OVCH2: variants seen among roughly 807,000 people sequenced by gnomAD.
The protein encoded by OVCH2 is ovochymase 2.
Under a neutral mutation model 73.7 loss-of-function variants are expected in OVCH2, and 88 were observed. The ratio of observed to expected loss-of-function variants is 1.19; its 90% CI spans 1.01 to 1.43. The LOEUF (loss-of-function observed/expected upper bound fraction) is 1.43, where lower values mean the gene tolerates loss of function less well. OVCH2 is among the 40% of genes most tolerant of loss of function. The pLI, the probability that OVCH2 is intolerant of heterozygous loss-of-function variation, is 0.00. For missense variants in OVCH2, 706 were observed against 674.5 expected, an observed-to-expected ratio of 1.05 and a Z score of -0.52; for synonymous variants, 265 against 234.5, an observed-to-expected ratio of 1.13 and a Z score of -1.19.
At chr11:7,698,825 C>A in intron 7 of OVCH2, 52 bp from the exon 8 acceptor site, 2 of 1,587,124 alleles carry the variant, frequency 1.3e-6, no homozygotes. Flanking sequence ...TCCTGAACAA[C>A]GCTTCAAGAA....
In OVCH2 at chr11:7,695,598, A is replaced by C. The variant is rs373698741; in HGVS notation, c.1254T>G (p.Tyr418Ter). The C allele has an allele frequency of 6.2e-7, 1 of 1,613,772 alleles. No individual in the cohort carries two copies. The highest frequency in any genetic ancestry group is 8.5e-7 in the Non-Finnish European group (1 of 1,179,722). The part of the protein sequence containing the change: ...TDNAAGFNLT[Y>*]KALKPNYIPD... The stretch of plus-strand genomic sequence containing the variant: ...GAATGTAGTTTGGTTTAAGAGCTTT[A>C]TAGGTAAGATTAAACCCAGCTGCAT... The change falls in exon 11 of 16, where the codon TAT becomes TAG. Residue 418 changes from tyrosine (Y) to a stop codon, truncating the protein, a stop_gained. Transcript: ENST00000533663. LOFTEE classifies it high-confidence loss of function.
intron 7 of OVCH2, chr11:7,699,499 G>A (rs1856395180): frequency 6.6e-6 from 1 of 152,232 alleles, no homozygotes; most frequent in Non-Finnish European, 1.5e-5. Flanking sequence ...CTAAGACAAA[G>A]TAAATGCTAT....
At chr11:7,686,281 A>G (rs1856140810), downstream of OVCH2, among the ~76,000 whole-genome samples, 1 of 152,222 alleles carries the variant, frequency 6.6e-6, no homozygotes, top group Non-Finnish European at 1.5e-5. Context: ...GATGATGACG[A>G]TGATTCTTAC....
chr11:7,681,201 A>G, the OVCH2 span, among the ~76,000 whole-genome samples: 12 of 152,220 alleles, frequency 7.9e-5, no homozygotes, highest in Admixed American at 3.3e-4. Context: ...CAGACACTCA[A>G]TGCTGACCAA....
Position 7,696,781 on chromosome 11 carries a change from T to C in OVCH2, c.944A>G (p.Asp315Gly). 1 of 1,609,928 alleles carries C rather than the reference T, an allele frequency of 6.2e-7. No individual in the cohort carries two copies. The highest frequency in any genetic ancestry group is 8.5e-7 in the Non-Finnish European group (1 of 1,178,098). Residue 315 changes from aspartate to glycine, a missense_variant, in exon 9 of 16, where the codon GAT (aspartate) becomes GGT (glycine). Coordinates refer to ENST00000533663, the MANE Select transcript of OVCH2 (RefSeq NM_198185.7). ...KSSRAWCSEQ[D>G]VIVSGAEGKL... ...CCCCTCAGCCCCGCTGACTATGACA[T>C]CCTGCTCACTGCACCAGGCTGGGAG... is the stretch of plus-strand genomic sequence containing the variant.
intron 14 of OVCH2, 135 bp downstream of exon 14, chr11:7,691,134 C>A: frequency 9.0e-7 from 1 of 1,107,938 alleles, no homozygotes. Context: ...ATTCAGTGTC[C>A]ATGGTGACTT....
At chr11:7,696,823 CAGGGTT>C (rs750102565) in intron 8 of OVCH2, 24 bp from the exon 9 acceptor site, 1 of 1,588,666 alleles carries the variant, frequency 6.3e-7, no homozygotes, top group Non-Finnish European at 8.6e-7. Context: ...CCAGGAGAGT[CAGGGTT>C]AGTTATGCCA....
intron 10 of OVCH2, 23 bp downstream of exon 10, chr11:7,696,442 T>G: frequency 6.2e-7 from 1 of 1,613,808 alleles, no homozygotes. Context: ...GGTTTCCATT[T>G]GACACTGTGA....
chr11:7,703,780 T>G lies in OVCH2; in HGVS notation c.208A>C (p.Lys70Gln), dbSNP rs778010247. The change falls in exon 3 of 16, where the codon AAA (lysine) becomes CAA (glutamine). Residue 70 changes from lysine (K) to glutamine (Q), a missense_variant. Physicochemically the swap from Lys to Gln is moderately conservative, Grantham distance 53. Coordinates refer to ENST00000533663, the MANE Select transcript of OVCH2 (RefSeq NM_198185.7). The stretch of plus-strand genomic sequence containing the variant: ...CCACAAATATGCTTCTGCCTTTGTT[T>G]CAGAGATACCTAAATTGCAAATACC... ...KGSYPWQVSL[K>Q]QRQKHICGGS... 4 of 1,606,360 alleles carry G rather than the reference T, an allele frequency of 2.5e-6. No homozygotes were observed. Among genetic ancestry groups the G allele is most frequent in the Non-Finnish European group, 2.6e-6 (3 of 1,176,226 alleles).
chr11:7,679,858 G>A, the OVCH2 span, among the ~76,000 whole-genome samples: 1 of 152,114 alleles, frequency 6.6e-6, no homozygotes, highest in Admixed American at 6.5e-5. Flanking sequence ...TCATAACAAA[G>A]CTTCCATAAA....
intron 1 of OVCH2, 123 bp from the exon 2 acceptor site, chr11:7,704,797 G>C (rs1030523957): frequency 3.2e-6 from 2 of 621,582 alleles, no homozygotes; most frequent in African/African-American, 3.8e-5. Flanking sequence ...CACACATTCA[G>C]ATATCAATAA....
the OVCH2 span, among the ~76,000 whole-genome samples, chr11:7,681,836 G>C: frequency 7.3e-6 from 1 of 137,780 alleles, no homozygotes. Context: ...CCAGGACGGG[G>C]AGAAGGGGGA....
chr11:7,702,464 A>C (rs1856462966), intron 3 of OVCH2, 135 bp from the exon 4 acceptor site: 1 of 715,240 alleles, frequency 1.4e-6, no homozygotes. Context: ...AGAGAAAGTG[A>C]GAATAATTCC....
At chr11:7,683,689 T>C in the OVCH2 span, among the ~76,000 whole-genome samples, 1 of 152,180 alleles carries the variant, frequency 6.6e-6, no homozygotes, top group Non-Finnish European at 1.5e-5. Flanking sequence ...CCACCTACCT[T>C]CTCTGATATC....
chr11:7,702,422 G>A (rs1013349848), intron 3 of OVCH2, 93 bp from the exon 4 acceptor site: 69 of 962,532 alleles, frequency 7.2e-5, no homozygotes, highest in Non-Finnish European at 9.7e-5. Flanking sequence ...AAATGATATG[G>A]ATAAATAATA....
At chr11:7,691,050 T>A (rs1231792341) in intron 14 of OVCH2, among the ~76,000 whole-genome samples, 3 of 152,204 alleles carry the variant, frequency 2.0e-5, no homozygotes, top group Non-Finnish European at 4.4e-5. Flanking sequence ...TATGTACTGA[T>A]CAGCTGATGA....
intron 10 of OVCH2, among the ~76,000 whole-genome samples, 191 bp from the exon 11 acceptor site, chr11:7,695,901 A>G (rs1360073559): frequency 1.3e-5 from 2 of 152,216 alleles, no homozygotes; most frequent in Admixed American, 6.5e-5. Context: ...TTTGTAGGAT[A>G]TTTGGTAGCA....
At chr11:7,681,852 C>CAA in the OVCH2 span, among the ~76,000 whole-genome samples, 1 of 73,752 alleles carries the variant, frequency 1.4e-5, no homozygotes, top group African/African-American at 8.6e-5. Flanking sequence ...GGGGAAATGT[C>CAA]CAAAAAAAAA....
intron 7 of OVCH2, chr11:7,699,173 C>G (rs953855850): frequency 1.9e-5 from 3 of 155,140 alleles, no homozygotes; most frequent in African/African-American, 7.2e-5. Context: ...ACTCAAATTC[C>G]TACTAAACTT....
Sources: allele counts gnomAD v4.1 joint callset (sites outside exome capture counted in the v4.1 genomes callset), GRCh38; gene constraint gnomAD v4.1.1; transcripts MANE v1.5; gene names NCBI Gene and HGNC (gene_info 2026-07-23, HGNC 2026-07-21).